Variants in UBE2E2 observed in about 807,000 individuals in gnomAD.
UBE2E2 encodes ubiquitin conjugating enzyme E2 E2.
UBE2E2 carries 6 observed loss-of-function variants against 24.7 expected under a neutral mutation model. The observed-to-expected ratio is 0.24, with a 90% CI of 0.13 to 0.48. The LOEUF (loss-of-function observed/expected upper bound fraction) is 0.48. Ranked by LOEUF, UBE2E2 falls within the 20% of genes least tolerant of loss-of-function variation. The pLI is 0.99. For missense variants in UBE2E2, 169 were observed against 245.0 expected, an observed-to-expected ratio of 0.69 and a Z score of 2.07; for synonymous variants, 104 against 83.6, an observed-to-expected ratio of 1.24 and a Z score of -1.33.
intron 3 of UBE2E2, among the ~76,000 whole-genome samples, chr3:23,483,064 A>G (rs1699289791): frequency 1.3e-5 from 2 of 152,194 alleles, no homozygotes; most frequent in Admixed American, 1.3e-4. Flanking sequence ...CTGGTCTCTT[A>G]AACAGAAAGG....
At chr3:23,498,155 C>T (rs190079505) in intron 3 of UBE2E2, among the ~76,000 whole-genome samples, 26 of 151,994 alleles carry the variant, frequency 1.7e-4, no homozygotes, top group Admixed American at 1.6e-3. Flanking sequence ...CTTGTGTATT[C>T]TCAACACTAG....
chr3:23,458,709 G>A (rs971054416), intron 3 of UBE2E2, among the ~76,000 whole-genome samples: 4 of 152,020 alleles, frequency 2.6e-5, no homozygotes, highest in East Asian at 1.9e-4. Flanking sequence ...GAGCCACCGC[G>A]CCTGGCCAGA....
chr3:23,552,743 G>T (rs537992458), intron 5 of UBE2E2, among the ~76,000 whole-genome samples: 1 of 152,212 alleles, frequency 6.6e-6, no homozygotes, highest in East Asian at 1.9e-4. Context: ...ATCAGTTGTT[G>T]CCACATGAAT....
At chr3:23,348,384 G>A (rs1320054110) in intron 3 of UBE2E2, among the ~76,000 whole-genome samples, 1 of 149,034 alleles carries the variant, frequency 6.7e-6, no homozygotes, top group Non-Finnish European at 1.5e-5. Flanking sequence ...ATAGGCTAAA[G>A]CTTATTGCTA....
chr3:23,399,821 T>C (rs1265150187), intron 3 of UBE2E2, among the ~76,000 whole-genome samples: 1 of 152,222 alleles, frequency 6.6e-6, no homozygotes, highest in Non-Finnish European at 1.5e-5. Flanking sequence ...CATGAAACAT[T>C]TTTATTCACA....
chr3:23,552,940 G>C (rs1262518809), intron 5 of UBE2E2, among the ~76,000 whole-genome samples: 1 of 152,004 alleles, frequency 6.6e-6, no homozygotes, highest in African/African-American at 2.4e-5. Context: ...TGTACGAATA[G>C]TATTTTCTAT....
chr3:23,494,109 C>CA (rs1166203566), intron 3 of UBE2E2, among the ~76,000 whole-genome samples: 1 of 152,228 alleles, frequency 6.6e-6, no homozygotes, highest in African/African-American at 2.4e-5. Flanking sequence ...TTATGTTCTT[C>CA]ATCATTGCTC....
At chr3:23,526,767 T>G (rs1054283329) in intron 4 of UBE2E2, among the ~76,000 whole-genome samples, 7 of 152,322 alleles carry the variant, frequency 4.6e-5, no homozygotes, top group African/African-American at 1.7e-4. Context: ...TTTAATTCAG[T>G]GTGGTTTAAT....
At chr3:23,554,535 A>T (rs1695727376) in intron 5 of UBE2E2, among the ~76,000 whole-genome samples, 1 of 152,138 alleles carries the variant, frequency 6.6e-6, no homozygotes, top group South Asian at 2.1e-4. Flanking sequence ...AATAAGAATG[A>T]AATTGGACCT....
At chr3:23,279,954 A>G (rs1474134171) in intron 3 of UBE2E2, among the ~76,000 whole-genome samples, 1 of 152,210 alleles carries the variant, frequency 6.6e-6, no homozygotes, top group African/African-American at 2.4e-5. Flanking sequence ...ATCTAGGGGT[A>G]CATTGTTGAC....
intron 3 of UBE2E2, among the ~76,000 whole-genome samples, chr3:23,297,378 C>T (rs1698942223): frequency 6.6e-6 from 1 of 151,646 alleles, no homozygotes; most frequent in Non-Finnish European, 1.5e-5. Flanking sequence ...ACATGAAGTC[C>T]TTGCCCATGC....
chr3:23,572,098 G>A (rs1696243802), intron 5 of UBE2E2, among the ~76,000 whole-genome samples: 1 of 152,098 alleles, frequency 6.6e-6, no homozygotes, highest in Non-Finnish European at 1.5e-5. Context: ...CTAGATTTAG[G>A]CAGTTTTATT....
chr3:23,341,738 A>G (rs1695393793), intron 3 of UBE2E2, among the ~76,000 whole-genome samples: 1 of 151,804 alleles, frequency 6.6e-6, no homozygotes, highest in Non-Finnish European at 1.5e-5. Context: ...TACTTTAGTA[A>G]TTTTAATAGT....
intron 3 of UBE2E2, among the ~76,000 whole-genome samples, chr3:23,438,395 G>C (rs1055107265): frequency 2.6e-5 from 4 of 152,158 alleles, no homozygotes; most frequent in African/African-American, 9.7e-5. Context: ...TTGAGCAAAG[G>C]ATTGGCAGAA....
Position 23,223,392 on chromosome 3 carries a change from C to T in UBE2E2, c.227+6080C>T, listed in dbSNP as rs370166031. On this transcript the variant is annotated intron_variant, in intron 3 of 5. Coordinates refer to ENST00000396703, the MANE Select transcript of UBE2E2 (RefSeq NM_152653.4). ...ATTTTGAGTAGAGATGGGGTTTTAC[C>T]GTGTTGGCCGGGCTGGTCTCAAACT... Among the ~76,000 whole-genome samples, 82 of 152,088 alleles carry T rather than the reference C, an allele frequency of 5.4e-4. No homozygotes were observed. The East Asian group carries it at 0.01, about 19-fold the overall frequency.
At chr3:23,525,923 C>G (rs940069541) in intron 4 of UBE2E2, among the ~76,000 whole-genome samples, 4 of 152,200 alleles carry the variant, frequency 2.6e-5, no homozygotes, top group Non-Finnish European at 5.9e-5. Context: ...CTATTTGTCA[C>G]TATTCAAAAC....
In UBE2E2 at chr3:23,561,368, G is replaced by C. The variant is rs964888753; in HGVS notation, c.509-28366G>C. Among the ~76,000 whole-genome samples the C allele has an allele frequency of 7.2e-5, 11 of 152,282 alleles. 2 individuals are homozygous for C. Among genetic ancestry groups the C allele is most frequent in the Admixed American group, 1.3e-4 (2 of 15,294 alleles). ...TCTTGTTTTTGTCAGGTTTGTCAAA[G>C]ATCAGATAGTTGTAGATGTGTGGTA... On this transcript the variant is annotated intron_variant, in intron 5 of 5. Transcript: ENST00000396703.
chr3:23,455,358 A>G (rs938325526), intron 3 of UBE2E2, among the ~76,000 whole-genome samples: 2 of 152,226 alleles, frequency 1.3e-5, no homozygotes, highest in African/African-American at 4.8e-5. Context: ...TTTATACTGT[A>G]TTGTAGCCAA....
At chr3:23,539,565 G>C (rs890971689) in intron 5 of UBE2E2, among the ~76,000 whole-genome samples, 1 of 152,100 alleles carries the variant, frequency 6.6e-6, no homozygotes, top group Non-Finnish European at 1.5e-5. Context: ...CCTTACTTCT[G>C]TTTCCTTACT....
Sources: allele counts gnomAD v4.1 joint callset (sites outside exome capture counted in the v4.1 genomes callset), GRCh38; gene constraint gnomAD v4.1.1; transcripts MANE v1.5; gene names NCBI Gene and HGNC (gene_info 2026-07-23, HGNC 2026-07-21).